MED12L: variants seen among roughly 807,000 people sequenced by gnomAD.
MED12L encodes the protein mediator of RNA polymerase II transcription subunit 12-like protein.
In MED12L, 60 loss-of-function variants were observed where a neutral mutation model predicts 281.3. The observed-to-expected ratio is 0.21, with a 90% confidence interval of 0.17 to 0.26. The LOEUF (loss-of-function observed/expected upper bound fraction) is 0.26, where lower values mean the gene tolerates loss of function less well. MED12L is among the 10% of genes least tolerant of loss of function. The pLI, the probability that MED12L is intolerant of heterozygous loss-of-function variation, is 1.00. For missense variants in MED12L, 2,146 were observed against 2,680.9 expected, an observed-to-expected ratio of 0.80 and a Z score of 4.41; for synonymous variants, 974 against 987.2, an observed-to-expected ratio of 0.99 and a Z score of 0.25.
intron 16 of MED12L, chr3:151,338,598 C>G: frequency 6.2e-7 from 1 of 1,613,862 alleles, no homozygotes. Context: ...TTTGGCATCA[C>G]TAAGAATTTT....
intron 42 of MED12L, among the ~76,000 whole-genome samples, chr3:151,415,455 T>C (rs1717434508): frequency 6.6e-6 from 1 of 152,242 alleles, no homozygotes; most frequent in Non-Finnish European, 1.5e-5. Flanking sequence ...TACCCAGACC[T>C]CTGCTAGGAT....
At position 151,368,576 on chromosome 3, in the gene MED12L, G is replaced by T. The variant is rs1485337538; in HGVS notation, c.3550+325G>T. ...TCTGAACCACATCACAGCAGCTTAG[G>T]GCAATGGTGATTTATTTTATTTTAT... On this transcript the variant is annotated intron_variant, in intron 25 of 44. Coordinates refer to ENST00000687756, the MANE Select transcript of MED12L (RefSeq NM_001393769.1). Among the ~76,000 whole-genome samples the T allele has an allele frequency of 4.3e-5, 6 of 138,398 alleles. No individual in the cohort carries two copies. The East Asian group carries it at 1.1e-3, about 25-fold the overall frequency. The allele number at this position is 138,398 out of a possible 152,430, so 90.8% of individuals were successfully genotyped here.
At position 151,156,102 on chromosome 3, in the gene MED12L, A is replaced by C. The variant is rs931545458; in HGVS notation, c.557-59A>C. On this transcript the variant is annotated intron_variant, in intron 5 of 44. Transcript: ENST00000687756. ...AGATAATCAGAATGGGGAAGAAAAC[A>C]TGTAATTCTTGTACCCATTGTGTCT... 151 of 1,389,342 alleles carry C rather than the reference A, an allele frequency of 1.1e-4. 2 individuals carry two copies. Among genetic ancestry groups the C allele is most frequent in the Admixed American group, 8.7e-5 (4 of 46,204 alleles). The allele number at this position is 1,389,342 out of a possible 1,614,324, so 86.1% of individuals were successfully genotyped here.
chr3:151,093,737 A>G (rs931206927), intron 2 of MED12L, among the ~76,000 whole-genome samples: 4 of 152,218 alleles, frequency 2.6e-5, no homozygotes, highest in African/African-American at 4.8e-5. Flanking sequence ...GCACTTGGCT[A>G]AACTGGGGTA....
chr3:151,304,139 G>A (rs1746314713), intron 16 of MED12L, among the ~76,000 whole-genome samples: 1 of 152,140 alleles, frequency 6.6e-6, no homozygotes, highest in South Asian at 2.1e-4. Flanking sequence ...TGTAAGGTGA[G>A]GAAGTGGAGG....
Position 151,375,970 on chromosome 3 carries a change from C to CATATATATAT in MED12L, c.3865-54_3865-45dup, listed in dbSNP as rs148538586. The CATATATATAT allele has an allele frequency of 4.5e-3, 3,660 of 809,794 alleles. 6 individuals are homozygous for CATATATATAT. Among genetic ancestry groups the CATATATATAT allele is most frequent in the Middle Eastern group, 0.022 (49 of 2,268 alleles). 50.2% of individuals were successfully genotyped at this position (809,794 alleles called of 1,614,324 possible). ...TGCACTGTGGATTTAGTACATATTGCATATATATATACCGAAAGCCAGTGC... is the reference window on the plus strand; with the variant it reads ...TGCACTGTGGATTTAGTACATATTGCATATATATATATATATATATACCGAAAGCCAGTGC... On this transcript the variant is annotated intron_variant, in intron 27 of 44. Coordinates refer to ENST00000687756, the MANE Select transcript of MED12L (RefSeq NM_001393769.1).
At position 151,356,026 on chromosome 3, in the gene MED12L, A is replaced by C; in HGVS notation, c.2648A>C (p.Asp883Ala). Reference sequence around the variant, plus strand: ...GCACTGAACATCAACGGACTAATTGACTTCGCAATACAGGTGTCAAAGAGA... The same window carrying C: ...GCACTGAACATCAACGGACTAATTGCCTTCGCAATACAGGTGTCAAAGAGA... Reference protein sequence around the residue: ...EPALNINGLIDFAIQLLNELS... With the variant: ...EPALNINGLIAFAIQLLNELS... Residue 883 changes from aspartate to alanine, a missense_variant, in exon 19 of 45, where the codon GAC becomes GCC. Physicochemically the swap from Asp to Ala is moderately radical, Grantham distance 126. Transcript: ENST00000687756. 3 of 1,610,960 alleles carry C rather than the reference A, an allele frequency of 1.9e-6. No homozygotes were observed. Among genetic ancestry groups the C allele is most frequent in the Non-Finnish European group, 2.5e-6 (3 of 1,179,128 alleles).
At chr3:151,092,449 G>C (rs190008066) in intron 2 of MED12L, among the ~76,000 whole-genome samples, 1 of 152,342 alleles carries the variant, frequency 6.6e-6, no homozygotes, top group Admixed American at 6.5e-5. Context: ...TAGACTAGGT[G>C]CTCAGTAAAT....
At chr3:151,231,067 A>AG (rs778757345) in intron 16 of MED12L, among the ~76,000 whole-genome samples, 4 of 152,240 alleles carry the variant, frequency 2.6e-5, no homozygotes, top group Non-Finnish European at 4.4e-5. Flanking sequence ...TTTGGGCATT[A>AG]ATGAGAATGA....
At chr3:151,279,169 GAAGAC>G (rs1742403428) in intron 16 of MED12L, among the ~76,000 whole-genome samples, 1 of 152,182 alleles carries the variant, frequency 6.6e-6, no homozygotes, top group Non-Finnish European at 1.5e-5. Context: ...CAGAAAGAAA[GAAGAC>G]AAGGGGCTGA....
chr3:151,122,141 C>G (rs1713855096), intron 3 of MED12L, among the ~76,000 whole-genome samples: 1 of 152,188 alleles, frequency 6.6e-6, no homozygotes, highest in Non-Finnish European at 1.5e-5. Flanking sequence ...TTCATAGTAG[C>G]TTTCTTTGCC....
chr3:151,311,123 C>A (rs563980390), intron 16 of MED12L, among the ~76,000 whole-genome samples: 6 of 152,228 alleles, frequency 3.9e-5, no homozygotes, highest in Admixed American at 3.9e-4. Flanking sequence ...TAGTGCCTGT[C>A]TTATTTGCAA....
At position 151,356,003 on chromosome 3, in the gene MED12L, A is replaced by C. The variant is rs755909627; in HGVS notation, c.2625A>C (p.Ala875=). The part of the protein sequence containing the change: ...IQLIFDLMEP[A]LNINGLIDFA... ...TCATCTTTGATCTCATGGAGCCAGC[A>C]CTGAACATCAACGGACTAATTGACT... Residue 875 remains alanine (A), a synonymous_variant, in exon 19 of 45, where the codon GCA becomes GCC. Coordinates refer to ENST00000687756, the MANE Select transcript of MED12L (RefSeq NM_001393769.1). 1.9e-6 allele frequency: 3 copies of C among 1,613,770 alleles called. No homozygotes were observed. The Admixed American group carries it at 5.0e-5, about 27-fold the overall frequency.
intron 16 of MED12L, among the ~76,000 whole-genome samples, chr3:151,235,604 G>C (rs569603090): frequency 2.0e-5 from 3 of 152,112 alleles, no homozygotes; most frequent in Admixed American, 2.0e-4. Flanking sequence ...TGAGGCAGGA[G>C]AATTCCTTGA....
At chr3:151,244,701 A>C in intron 16 of MED12L, among the ~76,000 whole-genome samples, 1 of 151,600 alleles carries the variant, frequency 6.6e-6, no homozygotes, top group Non-Finnish European at 1.5e-5. Context: ...CATCACAATT[A>C]AAAGAACTAG....
At chr3:151,188,190 T>C (rs1030007062) in intron 12 of MED12L, 164 bp from the exon 13 acceptor site, 10 of 486,988 alleles carry the variant, frequency 2.1e-5, no homozygotes, top group Non-Finnish European at 3.2e-5. Context: ...GATGGAGAAA[T>C]TATATTCACC....
intron 2 of MED12L, among the ~76,000 whole-genome samples, chr3:151,101,584 G>A (rs887758138): frequency 2.6e-5 from 4 of 151,970 alleles, no homozygotes; most frequent in African/African-American, 9.7e-5. Flanking sequence ...AGAAAGGCAG[G>A]ACCTGAATGG....
chr3:151,138,767 A>G (rs1044950255), intron 5 of MED12L, among the ~76,000 whole-genome samples: 8 of 152,202 alleles, frequency 5.3e-5, no homozygotes, highest in Non-Finnish European at 1.0e-4. Context: ...ACTTATGACT[A>G]TTGATGTTAA....
At position 151,357,364 on chromosome 3, in the gene MED12L, A is replaced by G. The variant is rs780362908; in HGVS notation, c.2813A>G (p.Gln938Arg). Residue 938 changes from glutamine (Q) to arginine (R), a missense_variant, in exon 20 of 45, where the codon CAG becomes CGG. Physicochemically the swap from Gln to Arg is conservative, Grantham distance 43 (BLOSUM62 1). This residue lies in a region of MED12L where 404 missense variants were observed against 603.5 expected (regional missense o/e 0.67). Coordinates refer to ENST00000687756, the MANE Select transcript of MED12L (RefSeq NM_001393769.1). ...ATCTTGAATCCTGATCAGACAGCCCAGGTGTTTGAAGGGTTGGTATATAGC... is the reference window on the plus strand; with the variant it reads ...ATCTTGAATCCTGATCAGACAGCCCGGGTGTTTGAAGGGTTGGTATATAGC... ...CLILNPDQTA[Q>R]VFEGLCGVVK... The G allele has an allele frequency of 1.2e-6, 2 of 1,608,384 alleles. No homozygotes were observed. Among genetic ancestry groups the G allele is most frequent in the Admixed American group, 1.7e-5 (1 of 58,596 alleles).
Sources: allele counts gnomAD v4.1 joint callset (sites outside exome capture counted in the v4.1 genomes callset), GRCh38; gene constraint gnomAD v4.1.1; regional missense constraint gnomAD v4.1.1; transcripts MANE v1.5; gene names NCBI Gene and HGNC (gene_info 2026-07-23, HGNC 2026-07-21).